ASMTL: variants seen among roughly 807,000 people sequenced by gnomAD.
ASMTL encodes the protein acetylserotonin O-methyltransferase like.
ASMTL carries 57 observed loss-of-function variants against 60.3 expected under a neutral mutation model. That is an observed-to-expected ratio of 0.95 (90% CI 0.76 to 1.18). The LOEUF (loss-of-function observed/expected upper bound fraction) is 1.18, where lower values mean the gene tolerates loss of function less well. Among genes scored for constraint, ASMTL ranks in the 50% most tolerant of loss-of-function variants. ASMTL has a pLI of 0.00. For missense variants in ASMTL, 981 were observed against 852.6 expected, an observed-to-expected ratio of 1.15 and a Z score of -1.88; for synonymous variants, 419 against 373.0, an observed-to-expected ratio of 1.12 and a Z score of -1.42.
chrX:1,430,416 T>C (rs1198754910), intron 6 of ASMTL, among the ~76,000 whole-genome samples: 10 of 152,092 alleles, frequency 6.6e-5, no homozygotes, highest in Non-Finnish European at 1.5e-5. Flanking sequence ...TTTCAATTGA[T>C]GTAAAATCCT....
chrX:1,406,654 TA>T (rs1369847466), intron 12 of ASMTL, among the ~76,000 whole-genome samples: 16 of 151,090 alleles, frequency 1.1e-4, no homozygotes, highest in Non-Finnish European at 1.0e-4. Flanking sequence ...GATGGGTGAA[TA>T]GATAGTAGAT....
chrX:1,405,086 G>A (rs762515031), intron 12 of ASMTL, among the ~76,000 whole-genome samples: 1 of 151,814 alleles, frequency 6.6e-6, no homozygotes, highest in East Asian at 1.9e-4. Flanking sequence ...ATGGATGCAT[G>A]GATGAGATGG....
chrX:1,431,620 CAATAT>C (rs202210515), intron 6 of ASMTL, among the ~76,000 whole-genome samples: 3,125 of 141,032 alleles, frequency 0.022, 97 homozygotes, highest in African/African-American at 0.077. Context: ...GTATATAATA[CAATAT>C]ATTATAAATA....
intron 6 of ASMTL, among the ~76,000 whole-genome samples, chrX:1,428,646 CAAATAAAT>C (rs1229272093): frequency 2.2e-5 from 3 of 134,420 alleles, no homozygotes; most frequent in African/African-American, 8.2e-5. Flanking sequence ...GACTCCGTCT[CAAATAAAT>C]AAATAAATAA....
In ASMTL at chrX:1,403,248, A is replaced by G. The variant is rs1603450009; in HGVS notation, c.*21T>C. On this transcript the variant is annotated 3_prime_UTR_variant, in exon 13 of 13. Coordinates refer to ENST00000381317, the MANE Select transcript of ASMTL (RefSeq NM_004192.4). ...GCAGCCTGGGGGAGGACATCCCTATAATGAACATGCTGCCTGGGCTTCAGG... is the reference window on the plus strand; with the variant it reads ...GCAGCCTGGGGGAGGACATCCCTATGATGAACATGCTGCCTGGGCTTCAGG... 1 of 1,607,616 alleles carries G rather than the reference A, an allele frequency of 6.2e-7. No individual in the cohort carries two copies. The highest frequency in any genetic ancestry group is 1.3e-5 in the African/African-American group (1 of 74,906).
At chrX:1,415,384 C>T (rs193225191) in intron 11 of ASMTL, among the ~76,000 whole-genome samples, 11 of 151,900 alleles carry the variant, frequency 7.2e-5, no homozygotes, top group Non-Finnish European at 1.3e-4. Context: ...ATCTCCACTC[C>T]CCTCACGTCT....
intron 11 of ASMTL, among the ~76,000 whole-genome samples, chrX:1,415,150 T>C (rs77667983): frequency 0.93 from 141,088 of 151,898 alleles, 66,209 homozygotes; most frequent in East Asian, 1. Context: ...CATGTTGCTC[T>C]GGCTGGTCTC....
intron 12 of ASMTL, among the ~76,000 whole-genome samples, chrX:1,406,957 ATAG>A (rs2089876524): frequency 6.6e-6 from 1 of 150,802 alleles, no homozygotes; most frequent in Non-Finnish European, 1.5e-5. Context: ...GGGTGAATAG[ATAG>A]TAGATGATGG....
chrX:1,445,126 T>C (rs1194706983), intron 1 of ASMTL, among the ~76,000 whole-genome samples: 1 of 152,082 alleles, frequency 6.6e-6, no homozygotes, highest in African/African-American at 2.4e-5. Flanking sequence ...TGACTTTTGG[T>C]ACCCAGGAAA....
intron 1 of ASMTL, among the ~76,000 whole-genome samples, chrX:1,443,859 ATCGTGGACAGACACCGCCG>A (rs1171139638): frequency 1.1e-4 from 17 of 151,382 alleles, no homozygotes; most frequent in Admixed American, 6.6e-4. Context: ...ACACACCACC[ATCGTGGACAGACACCGCCG>A]TCGTGGACAG....
chrX:1,427,831 T>C lies in ASMTL; in HGVS notation c.800A>G (p.Gln267Arg). ...GTGACACTCAGCCTCTGCCGTGGCCTGTCCCGCCTCTCCCGCCTCGGCCTT... is the reference window on the plus strand; with the variant it reads ...GTGACACTCAGCCTCTGCCGTGGCCCGTCCCGCCTCTCCCGCCTCGGCCTT... ...DEKAEAGEAGQATAEAECHRT... is the reference protein window; with the variant it reads ...DEKAEAGEAGRATAEAECHRT... The change falls in exon 7 of 13, where the codon CAG becomes CGG. Residue 267 changes from glutamine (Q) to arginine (R), a missense_variant. Coordinates refer to ENST00000381317, the MANE Select transcript of ASMTL (RefSeq NM_004192.4). 3 of 1,612,414 alleles carry C rather than the reference T, an allele frequency of 1.9e-6. No homozygotes were observed. The highest frequency in any genetic ancestry group is 2.2e-5 in the South Asian group (2 of 91,048).
intron 3 of ASMTL, among the ~76,000 whole-genome samples, chrX:1,438,826 C>T (rs1349609060): frequency 3.9e-5 from 6 of 152,136 alleles, no homozygotes; most frequent in Non-Finnish European, 7.4e-5. Flanking sequence ...GGGGTTTTAC[C>T]GTGTTGGTCG....
Position 1,435,142 on chromosome X carries a change from C to T in ASMTL, c.339-59G>A, listed in dbSNP as rs534960714. On this transcript the variant is annotated intron_variant, in intron 4 of 12. Transcript: ENST00000381317. ...GCTGTGACCCGTGGGAGCTACAAAG[C>T]GAGTTTCTCAAAACCAGGGGAGGCA... is the stretch of plus-strand genomic sequence containing the variant. 512 of 1,589,686 alleles carry T rather than the reference C, an allele frequency of 3.2e-4. 8 individuals are homozygous for T. The South Asian group carries it at 4.3e-3, about 13-fold the overall frequency.
chrX:1,451,658 TTGAC>T (rs1174886518), intron 1 of ASMTL, among the ~76,000 whole-genome samples: 2 of 139,224 alleles, frequency 1.4e-5, no homozygotes, highest in Non-Finnish European at 1.6e-5. Flanking sequence ...CCCGGGTCAC[TTGAC>T]CTCCCCATTC....
chrX:1,453,409 G>A (rs191195037), upstream of ASMTL, among the ~76,000 whole-genome samples: 32,643 of 150,686 alleles, frequency 0.22, 4,301 homozygotes, highest in East Asian at 0.38. Flanking sequence ...CCGCCTCCCG[G>A]GCCCCGTCCC....
intron 8 of ASMTL, among the ~76,000 whole-genome samples, chrX:1,422,253 T>C (rs1171931731): frequency 2.6e-5 from 4 of 152,040 alleles, no homozygotes. Flanking sequence ...TTTAAGGAGA[T>C]TAACCCCCCA....
Position 1,421,757 on chromosome X carries a change from G to C in ASMTL, c.1146C>G (p.Asp382Glu). 6.2e-7 allele frequency: 1 copy of C among 1,613,842 alleles called. No individual in the cohort carries two copies. Among genetic ancestry groups the C allele is most frequent in the South Asian group, 1.1e-5 (1 of 91,066 alleles). ...SLHGFIMHNNDLTWNLFTYLE... is the reference protein window; with the variant it reads ...SLHGFIMHNNELTWNLFTYLE... Reference sequence around the variant, plus strand: ...GGTATGTAAAGAGGTTCCATGTGAGGTCATTATTGTGCATGATGAAGCCGT... The same window carrying C: ...GGTATGTAAAGAGGTTCCATGTGAGCTCATTATTGTGCATGATGAAGCCGT... The change falls in exon 9 of 13, where the codon GAC (aspartate) becomes GAG (glutamate). Residue 382 changes from aspartate (D) to glutamate (E), a missense_variant. Coordinates refer to ENST00000381317, the MANE Select transcript of ASMTL (RefSeq NM_004192.4).
chrX:1,417,742 G>C (rs2090346417), intron 11 of ASMTL, among the ~76,000 whole-genome samples: 1 of 48,232 alleles, frequency 2.1e-5, no homozygotes, highest in South Asian at 1.7e-3. Flanking sequence ...ACACAGACAT[G>C]CTCACGCACA....
chrX:1,450,810 C>A (rs1336423657), intron 1 of ASMTL, among the ~76,000 whole-genome samples: 4 of 146,942 alleles, frequency 2.7e-5, no homozygotes, highest in African/African-American at 1.0e-4. Context: ...GGTTACTTTC[C>A]CCACCCACAT....
Sources: gnomAD v4.1 joint callset for allele counts (sites outside exome capture counted in the v4.1 genomes callset) on GRCh38, gnomAD v4.1.1 for gene constraint, MANE v1.5 for transcripts, NCBI Gene and HGNC (gene_info 2026-07-23, HGNC 2026-07-21) for gene names.